Variants in FAM227B observed in about 807,000 individuals in gnomAD.
FAM227B encodes protein FAM227B.
FAM227B carries 88 observed loss-of-function variants against 73.8 expected under a neutral mutation model. That is an observed-to-expected ratio of 1.19 (90% confidence interval 1.00 to 1.42). The LOEUF (loss-of-function observed/expected upper bound fraction) is 1.42, where lower values mean the gene tolerates loss of function less well. Ranked by LOEUF, FAM227B falls within the 40% of genes most tolerant of loss-of-function variation. FAM227B has a pLI of 0.00. For missense variants in FAM227B, 632 were observed against 590.9 expected, an observed-to-expected ratio of 1.07 and a Z score of -0.72; for synonymous variants, 210 against 190.5, an observed-to-expected ratio of 1.10 and a Z score of -0.84.
intron 3 of FAM227B, among the ~76,000 whole-genome samples, chr15:49,600,815 G>A (rs969178523): frequency 4.6e-5 from 7 of 151,460 alleles, no homozygotes; most frequent in Non-Finnish European, 8.8e-5. Flanking sequence ...GGTTGAGGTG[G>A]GCGAATTACC....
At chr15:49,421,481 G>A (rs1236204778) in intron 11 of FAM227B, among the ~76,000 whole-genome samples, 1 of 152,046 alleles carries the variant, frequency 6.6e-6, no homozygotes, top group African/African-American at 2.4e-5. Flanking sequence ...TTATTCTTTT[G>A]TTTCCCATTT....
At chr15:49,589,463 T>C (rs912590293) in intron 4 of FAM227B, among the ~76,000 whole-genome samples, 1 of 151,826 alleles carries the variant, frequency 6.6e-6, no homozygotes, top group East Asian at 1.9e-4. Flanking sequence ...AAATCTGTAT[T>C]GAACCATTTT....
chr15:49,391,451 C>T (rs1257820839), intron 11 of FAM227B, among the ~76,000 whole-genome samples: 2 of 152,146 alleles, frequency 1.3e-5, no homozygotes, highest in East Asian at 3.9e-4. Context: ...AAAGATGACA[C>T]ATGTCCCTGA....
intron 11 of FAM227B, among the ~76,000 whole-genome samples, chr15:49,503,432 A>G (rs2058313006): frequency 6.6e-6 from 1 of 152,242 alleles, no homozygotes; most frequent in Non-Finnish European, 1.5e-5. Context: ...ATTGAGATCT[A>G]ATTAAACTAA....
intron 13 of FAM227B, among the ~76,000 whole-genome samples, chr15:49,336,371 G>A (rs547669739): frequency 4.9e-4 from 75 of 152,324 alleles, no homozygotes; most frequent in Admixed American, 1.4e-3. Flanking sequence ...CCTTTGAAGT[G>A]GCAATTGGCC....
rs562751079 is a variant in FAM227B at position 49,521,688 on chromosome 15, G to T, written c.875-13340C>A. On this transcript the variant is annotated intron_variant, in intron 10 of 15. Coordinates refer to ENST00000299338, the MANE Select transcript of FAM227B (RefSeq NM_152647.3). ...GCTGGGGAGAGAGTTTCTTCCCCAG[G>T]CCATTTTGGTAGCTACCAGATGGGT... Among the ~76,000 whole-genome samples the T allele has an allele frequency of 8.7e-4, 132 of 152,276 alleles. 5 individuals carry two copies. The South Asian group carries it at 0.026, about 30-fold the overall frequency.
chr15:49,481,222 G>A (rs1359443928), intron 11 of FAM227B, among the ~76,000 whole-genome samples: 2 of 152,140 alleles, frequency 1.3e-5, no homozygotes, highest in South Asian at 2.1e-4. Context: ...GGTAATTACA[G>A]TTTTTGTCAT....
chr15:49,571,073 A>G (rs1423614942), intron 8 of FAM227B, among the ~76,000 whole-genome samples: 1 of 151,388 alleles, frequency 6.6e-6, no homozygotes, highest in Non-Finnish European at 1.5e-5. Flanking sequence ...AGCAGTTTAA[A>G]CTCCTTTGGA....
intron 13 of FAM227B, 35 bp downstream of exon 13, chr15:49,367,413 G>A: frequency 6.7e-7 from 1 of 1,483,606 alleles, no homozygotes. Flanking sequence ...ATTTTTGAAA[G>A]AAATTATATT....
intron 14 of FAM227B, 121 bp from the exon 15 acceptor site, chr15:49,331,970 A>G: frequency 1.5e-6 from 1 of 660,306 alleles, no homozygotes; most frequent in Non-Finnish European, 2.7e-6. Flanking sequence ...CTTTACATAT[A>G]TTAATTCAAT....
chr15:49,378,129 T>C (rs1363660492), intron 11 of FAM227B, among the ~76,000 whole-genome samples: 1 of 152,108 alleles, frequency 6.6e-6, no homozygotes. Context: ...TTTTCCCTAA[T>C]GTATGTTCTT....
chr15:49,471,534 T>TAA (rs1434567116), intron 11 of FAM227B, among the ~76,000 whole-genome samples: 16 of 139,882 alleles, frequency 1.1e-4, no homozygotes, highest in East Asian at 1.1e-3. Context: ...AATAATAATA[T>TAA]GGCAAATGTA....
At chr15:49,577,546 C>T in intron 6 of FAM227B, 83 bp downstream of exon 6, 3 of 816,228 alleles carry the variant, frequency 3.7e-6, no homozygotes, top group Non-Finnish European at 5.8e-6. Context: ...TATTTAGAGC[C>T]TTGTTTATAT....
At chr15:49,490,388 G>A (rs1369919523) in intron 11 of FAM227B, among the ~76,000 whole-genome samples, 1 of 151,966 alleles carries the variant, frequency 6.6e-6, no homozygotes, top group Non-Finnish European at 1.5e-5. Flanking sequence ...TTCAGATCAT[G>A]CATCCTCTGT....
intron 11 of FAM227B, among the ~76,000 whole-genome samples, chr15:49,420,197 G>A (rs889507798): frequency 4.0e-5 from 6 of 151,868 alleles, no homozygotes; most frequent in Admixed American, 2.0e-4. Context: ...ATTTATTTTC[G>A]TAGTATAAAA....
chr15:49,380,121 C>A (rs949795500), intron 11 of FAM227B, among the ~76,000 whole-genome samples: 3 of 152,132 alleles, frequency 2.0e-5, no homozygotes, highest in Non-Finnish European at 4.4e-5. Flanking sequence ...TCTTTCTTCC[C>A]CTTTCCAAAG....
chr15:49,449,268 A>G (rs1037424687), intron 11 of FAM227B, among the ~76,000 whole-genome samples: 1 of 152,052 alleles, frequency 6.6e-6, no homozygotes, highest in Admixed American at 6.6e-5. Context: ...ATATGGAATA[A>G]AGCAATCATG....
chr15:49,469,873 C>T (rs1597396254), intron 11 of FAM227B, among the ~76,000 whole-genome samples: 1 of 152,000 alleles, frequency 6.6e-6, no homozygotes, highest in Non-Finnish European at 1.5e-5. Flanking sequence ...GATAAGCAAA[C>T]TCAAAATGAG....
At chr15:49,555,762 A>G (rs1435406472) in intron 9 of FAM227B, among the ~76,000 whole-genome samples, 1 of 151,918 alleles carries the variant, frequency 6.6e-6, no homozygotes, top group Non-Finnish European at 1.5e-5. Flanking sequence ...TTTTCTTTGT[A>G]TTTGTCTGAT....
Sources: allele counts gnomAD v4.1 joint callset (sites outside exome capture counted in the v4.1 genomes callset), GRCh38; gene constraint gnomAD v4.1.1; transcripts MANE v1.5; gene names NCBI Gene and HGNC (gene_info 2026-07-23, HGNC 2026-07-21).